DYM: variants seen among roughly 807,000 people sequenced by gnomAD.
DYM encodes dymeclin.
A neutral mutation model predicts 93.1 loss-of-function variants in DYM; 78 were observed. That is an observed-to-expected ratio of 0.84 (90% CI 0.70 to 1.01). The LOEUF (loss-of-function observed/expected upper bound fraction) is 1.01, where lower values mean the gene tolerates loss of function less well. Ranked by LOEUF, DYM falls within the 50% of genes least tolerant of loss-of-function variation. The pLI is 0.00. For synonymous variants in DYM, 321 were observed against 319.7 expected (o/e 1.00, Z -0.04); for missense variants, 789 against 845.0 (o/e 0.93, Z 0.82).
Position 49,057,766 on chromosome 18 carries a change from C to T in DYM, c.2026-13562G>A, listed in dbSNP as rs183285216. ...TGTAAACTTTTAAGACTACCATGTA[C>T]CTCTCCCATTTAGGCTATGAATGGT... On this transcript the variant is annotated intron_variant, in intron 17 of 17. Transcript: ENST00000675505. 5.2e-3 allele frequency among the ~76,000 whole-genome samples: 798 copies of T among 152,344 alleles called. 7 individuals are homozygous for T. The highest frequency in any genetic ancestry group is 0.018 in the African/African-American group (756 of 41,578).
intron 1 of DYM, among the ~76,000 whole-genome samples, chr18:49,432,598 A>AT (rs2080439209): frequency 1.7e-4 from 19 of 113,562 alleles, no homozygotes; most frequent in East Asian, 7.6e-4. Context: ...CCAGCATTAA[A>AT]ATTTTTTTTT....
chr18:49,224,957 A>G (rs980326521), intron 13 of DYM, among the ~76,000 whole-genome samples: 16 of 152,136 alleles, frequency 1.1e-4, no homozygotes, highest in African/African-American at 3.4e-4. Context: ...ATCTTGATGA[A>G]GGAGTGGTTA....
chr18:49,398,952 C>T (rs754535130), intron 2 of DYM, among the ~76,000 whole-genome samples: 23 of 152,198 alleles, frequency 1.5e-4, no homozygotes, highest in Non-Finnish European at 2.8e-4. Flanking sequence ...AAATCTATTT[C>T]ACTTTCTTCA....
intron 8 of DYM, among the ~76,000 whole-genome samples, chr18:49,314,507 T>G (rs1180706199): frequency 6.6e-6 from 1 of 152,044 alleles, no homozygotes; most frequent in Non-Finnish European, 1.5e-5. Context: ...TGTTAAAGAG[T>G]AGATACATAT....
intron 6 of DYM, among the ~76,000 whole-genome samples, chr18:49,334,844 G>C (rs1216639037): frequency 6.6e-6 from 1 of 152,162 alleles, no homozygotes; most frequent in East Asian, 1.9e-4. Context: ...AGTGGCTCAC[G>C]CCTGTAATCC....
chr18:49,249,767 T>C (rs1598897187), intron 13 of DYM, among the ~76,000 whole-genome samples: 1 of 152,210 alleles, frequency 6.6e-6, no homozygotes, highest in East Asian at 1.9e-4. Context: ...TACACGGAAG[T>C]TGCACAACCA....
chr18:49,043,818 T>C lies in DYM; in HGVS notation c.*237A>G. On this transcript the variant is annotated 3_prime_UTR_variant, in exon 18 of 18. Coordinates refer to ENST00000675505, the MANE Select transcript of DYM (RefSeq NM_001353214.3). Reference sequence around the variant, plus strand: ...AACTGCATGTTGAATAGCAGGTTTTTACATTTATTATTGTTGTGTATTTCC... The same window carrying C: ...AACTGCATGTTGAATAGCAGGTTTTCACATTTATTATTGTTGTGTATTTCC... The C allele has an allele frequency of 1.8e-6, 1 of 549,132 alleles. No homozygotes were observed. The highest frequency in any genetic ancestry group is 3.2e-6 in the Non-Finnish European group (1 of 308,394). 34.0% of individuals were successfully genotyped at this position (549,132 alleles called of 1,614,324 possible).
At chr18:49,401,485 G>A (rs982947983) in intron 2 of DYM, among the ~76,000 whole-genome samples, 9 of 152,184 alleles carry the variant, frequency 5.9e-5, no homozygotes, top group Non-Finnish European at 1.0e-4. Flanking sequence ...CACTGTGAAA[G>A]ATCAAATCAG....
At chr18:49,451,104 G>A (rs1309377424) in intron 1 of DYM, among the ~76,000 whole-genome samples, 1 of 151,808 alleles carries the variant, frequency 6.6e-6, no homozygotes, top group Admixed American at 6.6e-5. Flanking sequence ...CTGATCCTTG[G>A]TTTGTTTTTC....
intron 6 of DYM, among the ~76,000 whole-genome samples, chr18:49,335,723 T>G (rs1379160675): frequency 6.6e-6 from 1 of 152,158 alleles, no homozygotes; most frequent in Non-Finnish European, 1.5e-5. Flanking sequence ...AGCCAAATCC[T>G]GACATAACAA....
intron 17 of DYM, among the ~76,000 whole-genome samples, chr18:49,082,789 T>C (rs1346603765): frequency 3.3e-5 from 5 of 152,232 alleles, no homozygotes. Flanking sequence ...GATTTCTTTA[T>C]CTTGTTGTAT....
chr18:49,337,685 C>A (rs1046358996), intron 6 of DYM, among the ~76,000 whole-genome samples: 1 of 151,952 alleles, frequency 6.6e-6, no homozygotes, highest in African/African-American at 2.4e-5. Context: ...GAAGAGTCAG[C>A]GGAATAATCA....
chr18:49,421,294 C>T (rs182967525), intron 2 of DYM, among the ~76,000 whole-genome samples: 9 of 152,142 alleles, frequency 5.9e-5, no homozygotes, highest in Non-Finnish European at 1.0e-4. Flanking sequence ...CCCTCTGAGA[C>T]GAAGCTTCCA....
chr18:49,158,585 A>G (rs1016217416), intron 15 of DYM, among the ~76,000 whole-genome samples: 2 of 152,158 alleles, frequency 1.3e-5, no homozygotes, highest in East Asian at 3.8e-4. Flanking sequence ...TTCCAGAAAA[A>G]TCTTTAAGGG....
At chr18:49,327,205 G>A (rs2062961707) in intron 8 of DYM, among the ~76,000 whole-genome samples, 1 of 152,028 alleles carries the variant, frequency 6.6e-6, no homozygotes, top group Non-Finnish European at 1.5e-5. Flanking sequence ...TTTTCTATAT[G>A]TGTGAACTTA....
Position 49,244,850 on chromosome 18 carries a change from T to C in DYM, c.1460+12160A>G, listed in dbSNP as rs1367418381. Among the ~76,000 whole-genome samples the C allele has an allele frequency of 2.0e-5, 3 of 152,180 alleles. No individual in the cohort carries two copies. In the East Asian group the frequency reaches 5.8e-4, roughly 29 times the overall value. The stretch of plus-strand genomic sequence containing the variant: ...ATTCATTCAAATACCTACTGCACCA[T>C]CAAGAACAAGACATGGTGCTGTGAG... On this transcript the variant is annotated intron_variant, in intron 13 of 17. Coordinates refer to ENST00000675505, the MANE Select transcript of DYM (RefSeq NM_001353214.3).
At chr18:49,346,308 A>G (rs761004111) in intron 6 of DYM, among the ~76,000 whole-genome samples, 3 of 152,234 alleles carry the variant, frequency 2.0e-5, no homozygotes, top group Non-Finnish European at 4.4e-5. Context: ...AGAATGAAAT[A>G]CTGGTACATA....
chr18:49,335,244 A>C (rs1297847533), intron 6 of DYM, among the ~76,000 whole-genome samples: 2 of 152,252 alleles, frequency 1.3e-5, no homozygotes, highest in Admixed American at 1.3e-4. Flanking sequence ...TCTGACTTTT[A>C]AAGTATTGTA....
At chr18:49,093,986 C>A (rs911860040) in intron 17 of DYM, among the ~76,000 whole-genome samples, 5 of 152,064 alleles carry the variant, frequency 3.3e-5, no homozygotes, top group Non-Finnish European at 5.9e-5. Flanking sequence ...ACTTTTAATT[C>A]CTATGACTTA....
Sources: allele counts gnomAD v4.1 joint callset (sites outside exome capture counted in the v4.1 genomes callset), GRCh38; gene constraint gnomAD v4.1.1; transcripts MANE v1.5; gene names NCBI Gene and HGNC (gene_info 2026-07-23, HGNC 2026-07-21).